The following ALK variants were observed in gnomAD, a reference collection of about 807,000 sequenced individuals.
The protein encoded by ALK is ALK receptor tyrosine kinase.
ALK carries 74 observed loss-of-function variants against 163.1 expected under a neutral mutation model. That is an observed-to-expected ratio of 0.45 (90% confidence interval 0.38 to 0.55). The LOEUF (loss-of-function observed/expected upper bound fraction) is 0.55, where lower values mean the gene tolerates loss of function less well. ALK is among the 20% of genes least tolerant of loss of function. The pLI, the probability that ALK is intolerant of heterozygous loss-of-function variation, is 0.00. For missense variants in ALK, 2,063 were observed against 2,105.3 expected, an observed-to-expected ratio of 0.98 and a Z score of 0.39; for synonymous variants, 960 against 843.2, an observed-to-expected ratio of 1.14 and a Z score of -2.40.
At chr2:29,528,148 A>G (rs1011401958) in intron 4 of ALK, among the ~76,000 whole-genome samples, 1 of 152,166 alleles carries the variant, frequency 6.6e-6, no homozygotes. Context: ...TTGAGGCCCA[A>G]TTCTTCCCTC....
intron 1 of ALK, among the ~76,000 whole-genome samples, chr2:29,784,719 C>CAAA (rs1663959469): frequency 6.6e-6 from 1 of 151,182 alleles, no homozygotes; most frequent in African/African-American, 2.4e-5. Context: ...ACAAAAACAA[C>CAAA]AACAACAACA....
intron 4 of ALK, among the ~76,000 whole-genome samples, chr2:29,523,240 C>A (rs965214843): frequency 2.0e-5 from 3 of 152,188 alleles, no homozygotes; most frequent in African/African-American, 7.2e-5. Context: ...CATCATCCAC[C>A]TGACACCCCT....
chr2:29,391,305 T>TG (rs71754470), intron 4 of ALK, among the ~76,000 whole-genome samples: 39,810 of 125,920 alleles, frequency 0.32, 6,841 homozygotes, highest in African/African-American at 0.45. Flanking sequence ...CTCTTTTTTT[T>TG]GGGGGGGGGG....
At chr2:29,605,251 C>A (rs1675511195) in intron 3 of ALK, among the ~76,000 whole-genome samples, 1 of 152,152 alleles carries the variant, frequency 6.6e-6, no homozygotes. Context: ...GAATTTAATG[C>A]CACCACTGAT....
In ALK at chr2:29,920,938, G is replaced by A; in HGVS notation, c.-279C>T. 5 of 503,896 alleles carry A rather than the reference G, an allele frequency of 9.9e-6. 1 individual carries two copies. The South Asian group carries it at 1.3e-4, about 13-fold the overall frequency. 31.2% of individuals were successfully genotyped at this position (503,896 alleles called of 1,614,324 possible). On this transcript the variant is annotated 5_prime_UTR_variant, in exon 1 of 29. Coordinates refer to ENST00000389048, the MANE Select transcript of ALK (RefSeq NM_004304.5). ...GGACCTTGAGCCTCCCGCTCTCCGCGCCGAGTGCCGCGCCCCCGTCTGTAG... is the reference window on the plus strand; with the variant it reads ...GGACCTTGAGCCTCCCGCTCTCCGCACCGAGTGCCGCGCCCCCGTCTGTAG...
At chr2:29,232,275 T>G (rs1238169063) in intron 15 of ALK, 29 bp downstream of exon 15, 1 of 1,613,928 alleles carries the variant, frequency 6.2e-7, no homozygotes, top group Admixed American at 1.7e-5. Flanking sequence ...GGAGAGGTTC[T>G]GGGAGAGGGC....
intron 1 of ALK, among the ~76,000 whole-genome samples, chr2:29,834,156 G>A (rs888689622): frequency 6.6e-6 from 1 of 152,166 alleles, no homozygotes; most frequent in Admixed American, 6.5e-5. Context: ...TGACCAGCAA[G>A]GCCACACATC....
In ALK at chr2:29,230,980, C is replaced by G. The variant is rs191095380; in HGVS notation, c.2632+1324G>C. The stretch of plus-strand genomic sequence containing the variant: ...ACCCCCATACCCGTTCTGCAGCCTT[C>G]GAGCAAATGTGTGGAAAGGAAAATA... On this transcript the variant is annotated intron_variant, in intron 15 of 28. Coordinates refer to ENST00000389048, the MANE Select transcript of ALK (RefSeq NM_004304.5). 1.1e-4 allele frequency among the ~76,000 whole-genome samples: 17 copies of G among 152,254 alleles called. No homozygotes were observed. The East Asian group carries it at 2.9e-3, about 26-fold the overall frequency.
chr2:29,859,381 C>T (rs1324260478), intron 1 of ALK, among the ~76,000 whole-genome samples: 1 of 152,200 alleles, frequency 6.6e-6, no homozygotes, highest in Non-Finnish European at 1.5e-5. Flanking sequence ...CAGACTCAGG[C>T]ACAAGTGGCA....
chr2:29,540,730 A>G (rs903583671), intron 3 of ALK, among the ~76,000 whole-genome samples: 1 of 152,108 alleles, frequency 6.6e-6, no homozygotes, highest in Non-Finnish European at 1.5e-5. Context: ...CAAGTCTCCA[A>G]AAATAACATT....
At chr2:29,586,633 G>A (rs928873391) in intron 3 of ALK, among the ~76,000 whole-genome samples, 11 of 152,246 alleles carry the variant, frequency 7.2e-5, no homozygotes, top group Non-Finnish European at 1.0e-4. Flanking sequence ...CTGGGAAATA[G>A]GAACACTTTC....
rs115198047 is a variant in ALK at position 29,619,103 on chromosome 2, A to G, written c.952+75747T>C. On this transcript the variant is annotated intron_variant, in intron 3 of 28. Transcript: ENST00000389048. The stretch of plus-strand genomic sequence containing the variant: ...AGAAACCCATAATTTTGTGGATGTT[A>G]TTGCTTTAGATGAGGTTAAATATTT... Among the ~76,000 whole-genome samples the G allele has an allele frequency of 5.2e-3, 792 of 152,338 alleles. 8 individuals are homozygous for G. The highest frequency in any genetic ancestry group is 0.017 in the African/African-American group (698 of 41,586).
At position 29,275,162 on chromosome 2, in the gene ALK, G is replaced by C. The variant is rs1321508395; in HGVS notation, c.1978C>G (p.Pro660Ala). The change falls in exon 11 of 29, where the codon CCA becomes GCA. Residue 660 changes from proline to alanine, a missense_variant. This residue lies in a region of ALK where 987 missense variants were observed against 939.5 expected (regional missense o/e 1.05). Transcript: ENST00000389048. ...TCCCCGGGTTTCAGCTCCTTGTTTG[G>C]GTTTCTCTCAAACAGGTTTCTTGAT... ...PKSRNLFERN[P>A]NKELKPGENS... The C allele has an allele frequency of 1.9e-6, 3 of 1,614,076 alleles. No homozygotes were observed. In the Admixed American group the frequency reaches 5.0e-5, roughly 27 times the overall value.
At chr2:29,561,863 G>A (rs564444673) in intron 3 of ALK, among the ~76,000 whole-genome samples, 153 of 152,272 alleles carry the variant, frequency 1.0e-3, no homozygotes, top group African/African-American at 3.6e-3. Context: ...GCATGTGGAT[G>A]CCTCAGTCCC....
At chr2:29,211,248 A>G (rs894125041) in intron 24 of ALK, among the ~76,000 whole-genome samples, 1 of 152,232 alleles carries the variant, frequency 6.6e-6, no homozygotes, top group Non-Finnish European at 1.5e-5. Context: ...GGTGGTGTAT[A>G]AAATGCCCCC....
chr2:29,476,567 G>C (rs1316689020), intron 4 of ALK, among the ~76,000 whole-genome samples: 1 of 152,152 alleles, frequency 6.6e-6, no homozygotes, highest in African/African-American at 2.4e-5. Flanking sequence ...CAAGAGACAG[G>C]GTGTCGGTGG....
chr2:29,711,177 C>G (rs1679087597), intron 2 of ALK, among the ~76,000 whole-genome samples: 1 of 152,178 alleles, frequency 6.6e-6, no homozygotes, highest in Admixed American at 6.5e-5. Context: ...ATGCCCAACT[C>G]CTGAGCATTC....
chr2:29,396,767 C>T (rs1469400540), intron 4 of ALK, among the ~76,000 whole-genome samples: 2 of 151,390 alleles, frequency 1.3e-5, no homozygotes, highest in African/African-American at 2.4e-5. Flanking sequence ...CCTGCACATA[C>T]CAGGGCTCCT....
chr2:29,592,737 G>A (rs963539252), intron 3 of ALK, among the ~76,000 whole-genome samples: 1 of 152,186 alleles, frequency 6.6e-6, no homozygotes, highest in Non-Finnish European at 1.5e-5. Flanking sequence ...CAGCGTCTTT[G>A]CAGATGTAAT....
Sources: allele counts gnomAD v4.1 joint callset (sites outside exome capture counted in the v4.1 genomes callset), GRCh38; gene constraint gnomAD v4.1.1; regional missense constraint gnomAD v4.1.1; transcripts MANE v1.5; gene names NCBI Gene and HGNC (gene_info 2026-07-23, HGNC 2026-07-21).